The following MGMT variants were observed in gnomAD, a reference collection of about 807,000 sequenced individuals.
The protein encoded by MGMT is O-6-methylguanine-DNA methyltransferase.
Under a neutral mutation model 15.9 loss-of-function variants are expected in MGMT, and 14 were observed. That is an observed-to-expected ratio of 0.88 (90% CI 0.58 to 1.37). MGMT has a LOEUF of 1.37. Among genes scored for constraint, MGMT ranks in the 40% most tolerant of loss-of-function variants. The probability of loss-of-function intolerance (pLI) is 0.00; values close to 1 mark genes in which losing one functional copy is unlikely to be tolerated. For synonymous variants in MGMT, 130 were observed against 118.2 expected (o/e 1.10, Z -0.65); for missense variants, 282 against 268.1 (o/e 1.05, Z -0.36).
chr10:129,753,213 T>G (rs1396483728), intron 3 of MGMT, among the ~76,000 whole-genome samples: 1 of 152,216 alleles, frequency 6.6e-6, no homozygotes, highest in East Asian at 1.9e-4. Flanking sequence ...GACTGTTGCC[T>G]TGTACATAAT....
At chr10:129,680,118 C>T (rs1334968503) in intron 2 of MGMT, among the ~76,000 whole-genome samples, 1 of 152,196 alleles carries the variant, frequency 6.6e-6, no homozygotes, top group African/African-American at 2.4e-5. Flanking sequence ...TCGTTCATAT[C>T]CTATCGATTT....
intron 2 of MGMT, among the ~76,000 whole-genome samples, chr10:129,587,059 T>C (rs1042145726): frequency 2.6e-5 from 4 of 152,252 alleles, no homozygotes; most frequent in African/African-American, 9.6e-5. Flanking sequence ...CTTGTTCCAC[T>C]GTCTCTGACT....
chr10:129,639,877 A>T (rs1249056921), intron 2 of MGMT, among the ~76,000 whole-genome samples: 2 of 151,848 alleles, frequency 1.3e-5, no homozygotes, highest in African/African-American at 4.8e-5. Context: ...AGTGGAAAAT[A>T]TCAATGAGTC....
At chr10:129,742,294 C>T (rs1346723886) in intron 3 of MGMT, among the ~76,000 whole-genome samples, 2 of 152,236 alleles carry the variant, frequency 1.3e-5, no homozygotes, top group Non-Finnish European at 2.9e-5. Context: ...CACCCTTAGC[C>T]TATGATCTCC....
chr10:129,617,862 G>A (rs1847046386), intron 2 of MGMT, among the ~76,000 whole-genome samples: 1 of 150,936 alleles, frequency 6.6e-6, no homozygotes. Flanking sequence ...AGTCTGCAAA[G>A]TGTGCTTCTT....
chr10:129,617,583 C>T lies in MGMT; in HGVS notation c.125+81206C>T, dbSNP rs377514332. 2.4e-4 allele frequency among the ~76,000 whole-genome samples: 36 copies of T among 152,146 alleles called. 1 individual carries two copies. The South Asian group carries it at 5.0e-3, about 21-fold the overall frequency. On this transcript the variant is annotated intron_variant, in intron 2 of 4. Transcript: ENST00000651593. ...CATTCCGTTTTCTCTACAGCCTCAC[C>T]GGCATCTGTTATTTTTTGACTTTTT...
rs1846214922 is a variant in MGMT, at chr10:129,556,441, A to C, written c.125+20064A>C. ...GGAGAAGGCTGCCTTCTGCAAGCCA[A>C]GGAGAGAGCGCCTTGGAGAAAACCA... On this transcript the variant is annotated intron_variant, in intron 2 of 4. Transcript: ENST00000651593. The surrounding 1 kb of genome is among the most constrained non-coding windows in gnomAD (Gnocchi z 4.3). 6.6e-6 allele frequency among the ~76,000 whole-genome samples: 1 copy of C among 152,140 alleles called. No individual in the cohort carries two copies. Among genetic ancestry groups the C allele is most frequent in the African/African-American group, 2.4e-5 (1 of 41,430 alleles).
intron 2 of MGMT, among the ~76,000 whole-genome samples, chr10:129,606,676 GGTTT>G (rs1365361370): frequency 3.9e-5 from 6 of 152,126 alleles, no homozygotes; most frequent in Non-Finnish European, 7.3e-5. Flanking sequence ...AATTAAAGTG[GGTTT>G]GTTTATTTGG....
intron 3 of MGMT, among the ~76,000 whole-genome samples, chr10:129,748,625 C>T (rs1257479190): frequency 2.6e-5 from 4 of 152,160 alleles, no homozygotes; most frequent in Non-Finnish European, 5.9e-5. Flanking sequence ...TCTAAGTCTT[C>T]TCAGTTGACA....
chr10:129,653,488 A>C (rs1027254378), intron 2 of MGMT, among the ~76,000 whole-genome samples: 8 of 152,278 alleles, frequency 5.3e-5, no homozygotes, highest in African/African-American at 9.6e-5. Context: ...TCTACAAAAC[A>C]CTGAGTGGCC....
At chr10:129,719,521 A>C (rs1442127103) in intron 3 of MGMT, among the ~76,000 whole-genome samples, 1 of 152,146 alleles carries the variant, frequency 6.6e-6, no homozygotes, top group African/African-American at 2.4e-5. Context: ...AGCTACTCAG[A>C]CCAAGGTGCT....
intron 2 of MGMT, among the ~76,000 whole-genome samples, chr10:129,591,331 C>T (rs778494894): frequency 1.3e-5 from 2 of 152,166 alleles, no homozygotes; most frequent in African/African-American, 2.4e-5. Flanking sequence ...GAAATGAGCA[C>T]GCCTCAGGCT....
At chr10:129,627,588 C>T (rs943649728) in intron 2 of MGMT, among the ~76,000 whole-genome samples, 1 of 152,146 alleles carries the variant, frequency 6.6e-6, no homozygotes, top group African/African-American at 2.4e-5. Flanking sequence ...GACCTGTGCA[C>T]TGAGGGTCCT....
At chr10:129,492,932 C>T (rs1174981998) in intron 1 of MGMT, among the ~76,000 whole-genome samples, 2 of 152,228 alleles carry the variant, frequency 1.3e-5, no homozygotes, top group Non-Finnish European at 2.9e-5. Flanking sequence ...GTCATGCTTT[C>T]TCCTGTCATC....
intron 2 of MGMT, among the ~76,000 whole-genome samples, chr10:129,552,288 G>A: frequency 6.6e-6 from 1 of 152,306 alleles, no homozygotes; most frequent in South Asian, 2.1e-4. Context: ...TGCTGGCAGT[G>A]CACACCCGGT....
chr10:129,490,181 A>C (rs1301708809), intron 1 of MGMT, among the ~76,000 whole-genome samples: 1 of 152,192 alleles, frequency 6.6e-6, no homozygotes, highest in Non-Finnish European at 1.5e-5. Context: ...GAGCTGAAGA[A>C]AACTTCTTAA....
At chr10:129,645,224 A>G (rs1039848862) in intron 2 of MGMT, among the ~76,000 whole-genome samples, 1 of 148,882 alleles carries the variant, frequency 6.7e-6, no homozygotes, top group Non-Finnish European at 1.5e-5. Context: ...GGTTCAAGCG[A>G]TTCTGCTGCC....
intron 3 of MGMT, chr10:129,715,683 A>G (rs1481197193): frequency 6.6e-6 from 1 of 152,246 alleles, no homozygotes; most frequent in Non-Finnish European, 1.5e-5. Context: ...AGAGAAAATG[A>G]TGTTTTAATA....
intron 3 of MGMT, among the ~76,000 whole-genome samples, chr10:129,731,659 G>T (rs1848499588): frequency 6.6e-6 from 1 of 152,102 alleles, no homozygotes; most frequent in African/African-American, 2.4e-5. Context: ...CTCCCAAAGT[G>T]CTGGGATTAC....
Sources: gnomAD v4.1 joint callset for allele counts (sites outside exome capture counted in the v4.1 genomes callset) on GRCh38, gnomAD v4.1.1 for gene constraint, Gnocchi (gnomAD v3.1) non-coding constraint, MANE v1.5 for transcripts, NCBI Gene and HGNC (gene_info 2026-07-23, HGNC 2026-07-21) for gene names.